FKBP15: variants seen among roughly 807,000 people sequenced by gnomAD.
The protein encoded by FKBP15 is FK506-binding protein 15.
In FKBP15, 106 loss-of-function variants were observed where a neutral mutation model predicts 158.1. That is an observed-to-expected ratio of 0.67 (90% CI 0.57 to 0.79). The LOEUF (loss-of-function observed/expected upper bound fraction) is 0.79. Among genes scored for constraint, FKBP15 ranks in the 30% least tolerant of loss-of-function variants. FKBP15 has a pLI of 0.00. For synonymous variants in FKBP15, 547 were observed against 548.6 expected, an observed-to-expected ratio of 1.00 and a Z score of 0.04; for missense variants, 1,287 against 1,479.1, an observed-to-expected ratio of 0.87 and a Z score of 2.13.
intron 27 of FKBP15, among the ~76,000 whole-genome samples, chr9:113,168,254 C>T (rs1256819112): frequency 6.6e-6 from 1 of 152,162 alleles, no homozygotes; most frequent in Non-Finnish European, 1.5e-5. Context: ...GATTCTTTCT[C>T]AAAAGTAAAG....
intron 11 of FKBP15, among the ~76,000 whole-genome samples, chr9:113,192,618 G>A (rs1404039277): frequency 6.6e-6 from 1 of 152,194 alleles, no homozygotes; most frequent in African/African-American, 2.4e-5. Context: ...GCTCCTCTGT[G>A]AGAATGAAAG....
At chr9:113,197,147 G>A (rs1448808487) in intron 8 of FKBP15, 69 bp from the exon 9 acceptor site, 5 of 1,568,630 alleles carry the variant, frequency 3.2e-6, no homozygotes, top group Non-Finnish European at 4.3e-6. Context: ...AAGTACAGGA[G>A]CAACAGGTTT....
chr9:113,196,133 A>G (rs6477994), intron 9 of FKBP15, among the ~76,000 whole-genome samples: 125,494 of 152,036 alleles, frequency 0.83, 51,888 homozygotes, highest in South Asian at 0.89. Context: ...CTACATAAAA[A>G]TCTATGAAAA....
intron 1 of FKBP15, among the ~76,000 whole-genome samples, chr9:113,215,640 ATATATTT>A (rs1200837564): frequency 1.1e-4 from 11 of 100,996 alleles, no homozygotes; most frequent in East Asian, 5.4e-4. Context: ...ATATATATAT[ATATATTT>A]TTTTTTTTTT....
intron 1 of FKBP15, among the ~76,000 whole-genome samples, chr9:113,212,081 C>A (rs1183923294): frequency 2.0e-5 from 3 of 152,184 alleles, no homozygotes; most frequent in Non-Finnish European, 4.4e-5. Flanking sequence ...ATGGTCCCTG[C>A]CATCCTTTCA....
intron 2 of FKBP15, 60 bp from the exon 3 acceptor site, chr9:113,207,356 T>TTTTTTTTTTTGTTTGAG (rs1554718007): frequency 7.5e-7 from 1 of 1,338,960 alleles, no homozygotes; most frequent in African/African-American, 1.6e-5. Context: ...TAATTTTTTT[T>TTTTTTTTTTTGTTTGAG]AAAGACGGAG....
chr9:113,191,654 TA>T lies in FKBP15; in HGVS notation c.1066-1077del, dbSNP rs1830578255. ...CATTATATATATATATAATATAAAT[TA>T]TATATATATAGTTATATGGAAAAGG... is the stretch of plus-strand genomic sequence containing the variant. On this transcript the variant is annotated intron_variant, in intron 11 of 27. Coordinates refer to ENST00000238256, the MANE Select transcript of FKBP15 (RefSeq NM_015258.2). Among the ~76,000 whole-genome samples the T allele has an allele frequency of 5.4e-5, 8 of 148,002 alleles. No individual in the cohort carries two copies. The South Asian group carries it at 1.7e-3, about 31-fold the overall frequency.
Position 113,202,554 on chromosome 9 carries a change from C to G in FKBP15, c.475G>C (p.Ala159Pro). The change falls in exon 6 of 28, where the codon GCT (alanine) becomes CCT (proline). Residue 159 changes from alanine (A) to proline (P), a missense_variant. Physicochemically the swap from Ala to Pro is conservative, Grantham distance 27. Coordinates refer to ENST00000238256, the MANE Select transcript of FKBP15 (RefSeq NM_015258.2). Reference protein sequence around the residue: ...NWSIMFESEKAAVEFNKQVCI... With the variant: ...NWSIMFESEKPAVEFNKQVCI... ...ACCTGCTTATTGAACTCCACAGCAG[C>G]CTTTTCCGACTCAAACATGATGGAC... 1.3e-6 allele frequency: 2 copies of G among 1,582,588 alleles called. No individual in the cohort carries two copies. The highest frequency in any genetic ancestry group is 1.7e-6 in the Non-Finnish European group (2 of 1,163,098).
intron 10 of FKBP15, 121 bp downstream of exon 10, chr9:113,193,906 A>T: frequency 8.3e-7 from 1 of 1,204,918 alleles, no homozygotes; most frequent in Non-Finnish European, 1.1e-6. Context: ...CATTTCCCTG[A>T]TCCCATTTTT....
At position 113,169,779 on chromosome 9, in the gene FKBP15, G is replaced by C. The variant is rs773827761; in HGVS notation, c.2930C>G (p.Pro977Arg). The change falls in exon 26 of 28, where the codon CCA becomes CGA. Residue 977 changes from proline (P) to arginine (R), a missense_variant. Coordinates refer to ENST00000238256, the MANE Select transcript of FKBP15 (RefSeq NM_015258.2). ...QPQAPLNRER[P>R]ESPMVPSEQV... is the part of the protein sequence containing the mutation. ...CTCTGAGGGCACCATGGGGGACTCTGGCCTCTCCCTATTCAGGGGTGCTTG... is the reference window on the plus strand; with the variant it reads ...CTCTGAGGGCACCATGGGGGACTCTCGCCTCTCCCTATTCAGGGGTGCTTG... 2 of 1,599,566 alleles carry C rather than the reference G, an allele frequency of 1.3e-6. No individual in the cohort carries two copies. Among genetic ancestry groups the C allele is most frequent in the African/African-American group, 2.7e-5 (2 of 74,688 alleles).
In FKBP15 at chr9:113,186,290, G is replaced by C. The variant is rs1830484112; in HGVS notation, c.1457C>G (p.Pro486Arg). 1 of 1,570,354 alleles carries C rather than the reference G, an allele frequency of 6.4e-7. No individual in the cohort carries two copies. The highest frequency in any genetic ancestry group is 2.4e-5 in the East Asian group (1 of 42,552). Residue 486 changes from proline (P) to arginine (R), a missense_variant, in exon 15 of 28, where the codon CCT becomes CGT. Pro to Arg is a moderately radical substitution (Grantham distance 103). Transcript: ENST00000238256. ...CTGAGAGAGCGGTGCTGGGTACAAA[G>C]GCCGAACGGGCTGCAGCTGGGAGGT... is the stretch of plus-strand genomic sequence containing the variant. ...AVTSQLQPVR[P>R]LYPAPLSQPP...
At chr9:113,218,145 T>C (rs1831178071) in intron 1 of FKBP15, among the ~76,000 whole-genome samples, 1 of 152,042 alleles carries the variant, frequency 6.6e-6, no homozygotes, top group Non-Finnish European at 1.5e-5. Context: ...AGAGATTCTT[T>C]TTGTTGGTAA....
Position 113,194,019 on chromosome 9 carries a change from T to C in FKBP15, c.1007+8A>G. On this transcript the variant is annotated splice_region_variant and intron_variant, in intron 10 of 27. Coordinates refer to ENST00000238256, the MANE Select transcript of FKBP15 (RefSeq NM_015258.2). ...ATAAAAGAGCTTGATACAACTGCAG[T>C]ATCTTACCCTGATTTGAAAGGTATT... is the stretch of plus-strand genomic sequence containing the variant. The C allele has an allele frequency of 6.3e-7, 1 of 1,599,030 alleles. No individual in the cohort carries two copies. The highest frequency in any genetic ancestry group is 8.5e-7 in the Non-Finnish European group (1 of 1,171,454).
chr9:113,206,311 T>C, intron 4 of FKBP15, 198 bp downstream of exon 4: 1 of 569,470 alleles, frequency 1.8e-6, no homozygotes. Context: ...CAATTTTGAA[T>C]GGTTGGATTT....
chr9:113,169,007 G>A (rs112609138), intron 26 of FKBP15, among the ~76,000 whole-genome samples: 38 of 144,178 alleles, frequency 2.6e-4, no homozygotes, highest in African/African-American at 1.1e-3. Context: ...CCACACTACC[G>A]CAGGGCCCGC....
In FKBP15 at chr9:113,189,630, T is replaced by C. The variant is rs911946836; in HGVS notation, c.1173+841A>G. 2.0e-5 allele frequency among the ~76,000 whole-genome samples: 3 copies of C among 151,980 alleles called. No individual in the cohort carries two copies. In the East Asian group the frequency reaches 5.8e-4, roughly 29 times the overall value. On this transcript the variant is annotated intron_variant, in intron 12 of 27. Transcript: ENST00000238256. ...ATCTACATAGAGCTTTTCCAAGAAA[T>C]AAAACAAAAATGTAAAATATAAAGT...
chr9:113,213,200 G>A (rs1027382262), intron 1 of FKBP15, among the ~76,000 whole-genome samples: 1 of 152,166 alleles, frequency 6.6e-6, no homozygotes, highest in Non-Finnish European at 1.5e-5. Context: ...CTTGAGGTCA[G>A]GCGTTCGAGA....
At chr9:113,170,734 T>G in intron 24 of FKBP15, 105 bp from the exon 25 acceptor site, 1 of 773,012 alleles carries the variant, frequency 1.3e-6, no homozygotes. Context: ...CTTAGATCTC[T>G]ACACTGGGAT....
intron 2 of FKBP15, among the ~76,000 whole-genome samples, chr9:113,210,247 A>G (rs986060109): frequency 3.9e-5 from 6 of 152,048 alleles, no homozygotes; most frequent in Admixed American, 1.3e-4. Context: ...GGTCAAGGAT[A>G]CACAACCTGG....
Sources: allele counts gnomAD v4.1 joint callset (sites outside exome capture counted in the v4.1 genomes callset), GRCh38; gene constraint gnomAD v4.1.1; transcripts MANE v1.5; gene names NCBI Gene and HGNC (gene_info 2026-07-23, HGNC 2026-07-21).